Variants in IARS2 observed in about 807,000 individuals in gnomAD.
The protein encoded by IARS2 is isoleucine--tRNA ligase, mitochondrial.
Under a neutral mutation model 126.3 loss-of-function variants are expected in IARS2, and 56 were observed. The ratio of observed to expected loss-of-function variants is 0.44; its 90% CI spans 0.36 to 0.55. The LOEUF (loss-of-function observed/expected upper bound fraction) is 0.55. Among genes scored for constraint, IARS2 ranks in the 20% least tolerant of loss-of-function variants. The pLI is 0.00. For missense variants in IARS2, 1,127 were observed against 1,245.9 expected, an observed-to-expected ratio of 0.90 and a Z score of 1.44; for synonymous variants, 407 against 441.1, an observed-to-expected ratio of 0.92 and a Z score of 0.97.
At chr1:220,102,964 G>A (rs971536255) in intron 7 of IARS2, among the ~76,000 whole-genome samples, 187 bp downstream of exon 7, 1 of 151,928 alleles carries the variant, frequency 6.6e-6, no homozygotes, top group African/African-American at 2.4e-5. Context: ...CAGCTTTTCG[G>A]GAAAATGAAA....
At chr1:220,139,987 A>G (rs1000973286) in intron 18 of IARS2, among the ~76,000 whole-genome samples, 196 bp from the exon 19 acceptor site, 2 of 152,162 alleles carry the variant, frequency 1.3e-5, no homozygotes, top group Non-Finnish European at 1.5e-5. Context: ...TCAGAGTAAA[A>G]TAGTATTTTC....
intron 2 of IARS2, among the ~76,000 whole-genome samples, chr1:220,098,574 C>T (rs1656501277): frequency 6.6e-6 from 1 of 150,542 alleles, no homozygotes; most frequent in Non-Finnish European, 1.5e-5. Flanking sequence ...TTGTTTACTA[C>T]TATATTCTAG....
intron 12 of IARS2, among the ~76,000 whole-genome samples, chr1:220,117,586 G>A (rs2053252): frequency 0.042 from 6,396 of 152,064 alleles, 445 homozygotes; most frequent in African/African-American, 0.14. Context: ...TGGTGGAATA[G>A]CCCTCTGGAC....
In IARS2 at chr1:220,112,289, C is replaced by T. The variant is rs1352868365; in HGVS notation, c.1479+1352C>T. On this transcript the variant is annotated intron_variant, in intron 11 of 22. Transcript: ENST00000366922. Reference sequence around the variant, plus strand: ...AGCTGGGACTACAGGCGCCCGCCACCGCGCCCGGCTAATTTTTTGTATTTT... The same window carrying T: ...AGCTGGGACTACAGGCGCCCGCCACTGCGCCCGGCTAATTTTTTGTATTTT... Among the ~76,000 whole-genome samples, 11 of 115,742 alleles carry T rather than the reference C, an allele frequency of 9.5e-5. 2 individuals carry two copies. Among genetic ancestry groups the T allele is most frequent in the East Asian group, 2.4e-4 (1 of 4,094 alleles). 75.9% of individuals were successfully genotyped at this position (115,742 alleles called of 152,430 possible).
chr1:220,097,365 CTTT>C (rs34660784), intron 2 of IARS2, among the ~76,000 whole-genome samples: 7 of 134,488 alleles, frequency 5.2e-5, no homozygotes, highest in Admixed American at 3.1e-4. Context: ...GTTCTTTTTT[CTTT>C]TTTTTTTTTT....
At chr1:220,133,204 C>T (rs371319256) in intron 14 of IARS2, among the ~76,000 whole-genome samples, 16 of 151,994 alleles carry the variant, frequency 1.1e-4, no homozygotes, top group South Asian at 4.2e-4. Context: ...GATGGGGTTT[C>T]GCCATGTTGG....
chr1:220,142,953 G>A lies in IARS2; in HGVS notation c.2570G>A (p.Ser857Asn). 2 of 1,608,786 alleles carry A rather than the reference G, an allele frequency of 1.2e-6. No homozygotes were observed. Among genetic ancestry groups the A allele is most frequent in the South Asian group, 1.1e-5 (1 of 90,400 alleles). ...QHIPYIKEPKSVFRTGWISTS... is the reference protein window; with the variant it reads ...QHIPYIKEPKNVFRTGWISTS... ...TTTTGTTCTTCTGAAGAGCCCAAGA[G>A]TGTTTTCCGTACTGGGTGGATTAGT... Residue 857 changes from serine (S) to asparagine (N), a missense_variant, in exon 21 of 23, where the codon AGT becomes AAT. Coordinates refer to ENST00000366922, the MANE Select transcript of IARS2 (RefSeq NM_018060.4).
chr1:220,101,771 C>T (rs1306617251), intron 3 of IARS2, among the ~76,000 whole-genome samples: 1 of 152,058 alleles, frequency 6.6e-6, no homozygotes, highest in Non-Finnish European at 1.5e-5. Context: ...GAGGCTGAGG[C>T]GGGTAGATCA....
At chr1:220,102,049 T>G in intron 3 of IARS2, 80 bp from the exon 4 acceptor site, 2 of 1,330,404 alleles carry the variant, frequency 1.5e-6, no homozygotes, top group Non-Finnish European at 2.1e-6. Flanking sequence ...GCATTTGCAT[T>G]TAGAGAGATA....
In IARS2 at chr1:220,144,446, C is replaced by G. The variant is rs1195091181; in HGVS notation, c.2752-1063C>G. ...CATCCATCTTATTTTGTATGGTAAGCTCAATTTAAATTTTTAATGATGTAA... is the reference window on the plus strand; with the variant it reads ...CATCCATCTTATTTTGTATGGTAAGGTCAATTTAAATTTTTAATGATGTAA... On this transcript the variant is annotated intron_variant, in intron 21 of 22. Transcript: ENST00000366922. The G allele has an allele frequency of 6.1e-5, 31 of 505,102 alleles. No homozygotes were observed. The Admixed American group carries it at 1.2e-3, about 19-fold the overall frequency. 31.3% of individuals were successfully genotyped at this position (505,102 alleles called of 1,614,324 possible). A position where few individuals can be genotyped will look rare whatever the true frequency, so the allele number is the denominator to read the frequency against.
intron 20 of IARS2, 88 bp downstream of exon 20, chr1:220,142,036 C>T (rs1407528600): frequency 7.8e-6 from 10 of 1,281,770 alleles, no homozygotes; most frequent in African/African-American, 1.5e-5. Context: ...AAAAGGGGCA[C>T]TTATCCATTT....
At chr1:220,128,408 G>C (rs939944345) in intron 14 of IARS2, among the ~76,000 whole-genome samples, 3 of 152,180 alleles carry the variant, frequency 2.0e-5, no homozygotes, top group African/African-American at 7.2e-5. Flanking sequence ...ATAGTAACAT[G>C]CTGTGCAGGT....
At chr1:220,108,648 A>G (rs1041409239) in intron 10 of IARS2, among the ~76,000 whole-genome samples, 3 of 151,156 alleles carry the variant, frequency 2.0e-5, no homozygotes, top group African/African-American at 7.3e-5. Context: ...GCCTCCCAAA[A>G]TGCTGGGTTT....
intron 8 of IARS2, 145 bp downstream of exon 8, chr1:220,103,707 G>T (rs1024453100): frequency 3.7e-6 from 2 of 540,318 alleles, no homozygotes; most frequent in Non-Finnish European, 6.7e-6. Flanking sequence ...TTACACTAAA[G>T]GAGAATATAC....
intron 20 of IARS2, 48 bp from the exon 21 acceptor site, chr1:220,142,896 C>T: frequency 7.5e-7 from 1 of 1,330,226 alleles, no homozygotes; most frequent in Non-Finnish European, 1.0e-6. Context: ...GCTTCATATA[C>T]AGTTTAGGAT....
intron 10 of IARS2, among the ~76,000 whole-genome samples, chr1:220,107,989 C>T (rs545028821): frequency 6.6e-6 from 1 of 152,170 alleles, no homozygotes. Flanking sequence ...ACCTCTGTGT[C>T]CTGGGTTCAA....
intron 21 of IARS2, 142 bp from the exon 22 acceptor site, chr1:220,145,367 C>G (rs1393130982): frequency 3.2e-6 from 2 of 616,858 alleles, no homozygotes; most frequent in East Asian, 2.9e-5. Context: ...AGGATTGATA[C>G]ATTTAGTGAT....
chr1:220,144,195 G>A, intron 21 of IARS2: 1 of 785,040 alleles, frequency 1.3e-6, no homozygotes, highest in Non-Finnish European at 2.3e-6. Context: ...GACCATCAGT[G>A]ATTTCAAATT....
chr1:220,143,818 G>T, intron 21 of IARS2: 1 of 473,890 alleles, frequency 2.1e-6, no homozygotes, highest in South Asian at 4.1e-5. Context: ...GGATTTTTAG[G>T]GGTTGATTGG....
Sources: allele counts gnomAD v4.1 joint callset (sites outside exome capture counted in the v4.1 genomes callset), GRCh38; gene constraint gnomAD v4.1.1; transcripts MANE v1.5; gene names NCBI Gene and HGNC (gene_info 2026-07-23, HGNC 2026-07-21).